The following LYST variants were observed in gnomAD, a reference collection of about 807,000 sequenced individuals.
LYST encodes the protein lysosomal-trafficking regulator.
LYST carries 192 observed loss-of-function variants against 413.6 expected under a neutral mutation model. The observed-to-expected ratio is 0.46, with a 90% CI of 0.41 to 0.52. LYST has a LOEUF of 0.52. Ranked by LOEUF, LYST falls within the 20% of genes least tolerant of loss-of-function variation. The probability of loss-of-function intolerance (pLI) is 0.00; values close to 1 mark genes in which losing one functional copy is unlikely to be tolerated. For synonymous variants in LYST, 1,525 were observed against 1,567.3 expected (o/e 0.97, Z 0.64); for missense variants, 3,815 against 4,499.9 (o/e 0.85, Z 4.35).
rs1426186505 is a variant in LYST at position 235,686,923 on chromosome 1, T to C, written c.10800+26A>G. ...TCCCCTCATTGACAAAGTCCCATAC[T>C]ACCCACACAGAAGCCCAGAACCTAC... On this transcript the variant is annotated intron_variant, in intron 48 of 52. Coordinates refer to ENST00000389793, the MANE Select transcript of LYST (RefSeq NM_000081.4). This position sits in a 1 kb window ranked among gnomAD's most constrained non-coding sequence, Gnocchi z 4.0. 1.6e-5 allele frequency: 25 copies of C among 1,547,236 alleles called. No homozygotes were observed. The highest frequency in any genetic ancestry group is 3.3e-5 in the Admixed American group (2 of 59,924).
At chr1:235,701,500 C>A (rs539915325) in intron 45 of LYST, among the ~76,000 whole-genome samples, 1 of 151,988 alleles carries the variant, frequency 6.6e-6, no homozygotes, top group East Asian at 1.9e-4. Flanking sequence ...TGGTGGCGGG[C>A]GCCTGTAATC....
intron 50 of LYST, 73 bp downstream of exon 50, chr1:235,677,018 T>C: frequency 9.6e-7 from 1 of 1,039,788 alleles, no homozygotes; most frequent in African/African-American, 1.6e-5. Context: ...TGGCTCGACC[T>C]AGGAGTAACC....
At chr1:235,758,581 T>G (rs1667268376) in intron 23 of LYST, among the ~76,000 whole-genome samples, 1 of 152,188 alleles carries the variant, frequency 6.6e-6, no homozygotes, top group Non-Finnish European at 1.5e-5. Context: ...AAGATGTTAC[T>G]CAGGACAGGC....
At chr1:235,807,457 T>A (rs776042778) in intron 5 of LYST, among the ~76,000 whole-genome samples, 92 of 152,198 alleles carry the variant, frequency 6.0e-4, no homozygotes, top group Non-Finnish European at 7.2e-4. Flanking sequence ...TGTCCACGAA[T>A]ACGCCAAAGA....
At position 235,662,743 on chromosome 1, in the gene LYST, A is replaced by G. The variant is rs1160655179; in HGVS notation, c.*197T>C. 1.5e-6 allele frequency: 1 copy of G among 652,914 alleles called. No individual in the cohort carries two copies. Among genetic ancestry groups the G allele is most frequent in the Non-Finnish European group, 2.8e-6 (1 of 358,472 alleles). 40.4% of individuals were successfully genotyped at this position (652,914 alleles called of 1,614,324 possible). On this transcript the variant is annotated 3_prime_UTR_variant, in exon 53 of 53. Transcript: ENST00000389793. Reference sequence around the variant, plus strand: ...GCATATTGACACAATCTTCCAGATTATCACTAAAATAGAACAGAACTTTCC... The same window carrying G: ...GCATATTGACACAATCTTCCAGATTGTCACTAAAATAGAACAGAACTTTCC...
chr1:235,762,933 A>G (rs555337472), intron 21 of LYST, 82 bp from the exon 22 acceptor site: 3 of 1,057,364 alleles, frequency 2.8e-6, no homozygotes, highest in Admixed American at 1.9e-5. Context: ...AGATCATTAA[A>G]TTCAAATTTT....
rs1658300683 is a variant in LYST at position 235,664,847 on chromosome 1, A to G, written c.11039-226T>C. Among the ~76,000 whole-genome samples the G allele has an allele frequency of 6.6e-6, 1 of 152,186 alleles. No individual in the cohort carries two copies. The highest frequency in any genetic ancestry group is 2.1e-4 in the South Asian group (1 of 4,824). On this transcript the variant is annotated intron_variant, in intron 50 of 52. Coordinates refer to ENST00000389793, the MANE Select transcript of LYST (RefSeq NM_000081.4). The surrounding 1 kb of genome is among the most constrained non-coding windows in gnomAD (Gnocchi z 4.5). ...AGTCTAACTCTGTCGCCCAGGCTGG[A>G]GTGCAGTGGTGTGATCTTGGCTCAC...
intron 3 of LYST, among the ~76,000 whole-genome samples, chr1:235,816,930 A>C (rs1674183069): frequency 6.6e-6 from 1 of 152,212 alleles, no homozygotes; most frequent in South Asian, 2.1e-4. Flanking sequence ...CAACAGAGTA[A>C]ACAGCCTACA....
chr1:235,872,827 A>G (rs577285188), intron 1 of LYST, among the ~76,000 whole-genome samples: 1 of 152,210 alleles, frequency 6.6e-6, no homozygotes, highest in African/African-American at 2.4e-5. Context: ...TAGGCAGGAG[A>G]ATCGCTTGAA....
rs1659218354 is a variant in LYST at position 235,674,507 on chromosome 1, T to C, written c.11038+2584A>G. ...TGCTAAATGAATTTAAAGCCAGGAA[T>C]CAAATAGCTGCAGGATTTGAATCTA... On this transcript the variant is annotated intron_variant, in intron 50 of 52. Coordinates refer to ENST00000389793, the MANE Select transcript of LYST (RefSeq NM_000081.4). This position sits in a 1 kb window ranked among gnomAD's most constrained non-coding sequence, Gnocchi z 4.1. Among the ~76,000 whole-genome samples the C allele has an allele frequency of 6.6e-6, 1 of 152,022 alleles. No homozygotes were observed. The highest frequency in any genetic ancestry group is 1.5e-5 in the Non-Finnish European group (1 of 68,010).
chr1:235,737,510 T>G (rs927190251), intron 31 of LYST: 1 of 152,172 alleles, frequency 6.6e-6, no homozygotes, highest in Non-Finnish European at 1.5e-5. Context: ...TAAAAGGATA[T>G]AAGGTCTTCT....
At chr1:235,827,370 A>C (rs1481252614) in intron 3 of LYST, 1 of 922,112 alleles carries the variant, frequency 1.1e-6, no homozygotes, top group Non-Finnish European at 1.3e-6. Context: ...CTCTGTCTCA[A>C]AAATAAATAA....
rs1410816857 is a variant in LYST, at chr1:235,677,169, G to C, written c.10960C>G (p.Leu3654Val). The change falls in exon 50 of 53, where the codon CTG becomes GTG. Residue 3654 changes from leucine to valine, a missense_variant. Transcript: ENST00000389793. ...DLNRLCYVQSLAGHKSPVTAV... is the reference protein window; with the variant it reads ...DLNRLCYVQSVAGHKSPVTAV... Reference sequence around the variant, plus strand: ...GTGACAGGGCTTTTGTGTCCCGCCAGACTTTGTACATAGCATAACCTGAAA... The same window carrying C: ...GTGACAGGGCTTTTGTGTCCCGCCACACTTTGTACATAGCATAACCTGAAA... The C allele has an allele frequency of 6.2e-7, 1 of 1,613,050 alleles. No individual in the cohort carries two copies. The highest frequency in any genetic ancestry group is 8.5e-7 in the Non-Finnish European group (1 of 1,179,230).
intron 1 of LYST, among the ~76,000 whole-genome samples, chr1:235,841,703 G>T (rs1033834052): frequency 6.6e-6 from 1 of 152,094 alleles, no homozygotes; most frequent in African/African-American, 2.4e-5. Context: ...AGGCTGGGGC[G>T]GGGAAGCAGG....
chr1:235,738,569 TG>T (rs35845456), intron 31 of LYST: 5 of 1,610,502 alleles, frequency 3.1e-6, no homozygotes, highest in Non-Finnish European at 4.2e-6. Flanking sequence ...GGTGAGTCCT[TG>T]GGGAACATGG....
intron 40 of LYST, 77 bp from the exon 41 acceptor site, chr1:235,716,855 G>A (rs926258026): frequency 6.3e-6 from 5 of 798,110 alleles, no homozygotes; most frequent in Non-Finnish European, 1.1e-5. Flanking sequence ...TCTGCATCTT[G>A]TAAGTAGGTA....
chr1:235,746,511 G>A lies in LYST; in HGVS notation c.7797C>T (p.Pro2599=). Residue 2599 remains proline (P), a synonymous_variant, in exon 29 of 53, where the codon CCC becomes CCT. Coordinates refer to ENST00000389793, the MANE Select transcript of LYST (RefSeq NM_000081.4). ...TCAGAAGCGATTCAGTTTGAGCAAGGGGAAATTTTCGAGGACCTTTAAAAG... is the reference window on the plus strand; with the variant it reads ...TCAGAAGCGATTCAGTTTGAGCAAGAGGAAATTTTCGAGGACCTTTAAAAG... ...RKSIAGPRKF[P]LAQTESLLMK... 6.2e-7 allele frequency: 1 copy of A among 1,613,238 alleles called. No homozygotes were observed. The highest frequency in any genetic ancestry group is 8.5e-7 in the Non-Finnish European group (1 of 1,179,484).
intron 39 of LYST, among the ~76,000 whole-genome samples, chr1:235,723,260 A>C (rs1663551358): frequency 6.6e-6 from 1 of 152,204 alleles, no homozygotes; most frequent in South Asian, 2.1e-4. Context: ...GTGACTTCTA[A>C]ATGGAGACAT....
intron 1 of LYST, among the ~76,000 whole-genome samples, chr1:235,851,281 T>C (rs1386365854): frequency 6.6e-6 from 1 of 152,132 alleles, no homozygotes; most frequent in Non-Finnish European, 1.5e-5. Context: ...GAGACTATTA[T>C]TCTAAGTGAA....
Sources: allele counts gnomAD v4.1 joint callset (sites outside exome capture counted in the v4.1 genomes callset), GRCh38; gene constraint gnomAD v4.1.1; non-coding constraint Gnocchi (gnomAD v3.1); transcripts MANE v1.5; gene names NCBI Gene and HGNC (gene_info 2026-07-23, HGNC 2026-07-21).